The following SLC4A7 variants were observed in gnomAD, a reference collection of about 807,000 sequenced individuals.
The protein encoded by SLC4A7 is solute carrier family 4 member 7.
Under a neutral mutation model 137.6 loss-of-function variants are expected in SLC4A7, and 51 were observed. The observed-to-expected ratio is 0.37, with a 90% CI of 0.30 to 0.47. SLC4A7 has a LOEUF of 0.47. SLC4A7 is among the 20% of genes least tolerant of loss of function. SLC4A7 has a pLI of 1.00. For missense variants in SLC4A7, 1,247 were observed against 1,525.4 expected, an observed-to-expected ratio of 0.82 and a Z score of 3.04; for synonymous variants, 542 against 518.6, an observed-to-expected ratio of 1.05 and a Z score of -0.61.
intron 7 of SLC4A7, among the ~76,000 whole-genome samples, chr3:27,430,520 T>A (rs2056156074): frequency 6.8e-6 from 1 of 147,248 alleles, no homozygotes; most frequent in African/African-American, 2.5e-5. Flanking sequence ...ACTGGGAAGC[T>A]GAGGCAGGAG....
At chr3:27,482,034 G>T (rs1178508117) in intron 1 of SLC4A7, among the ~76,000 whole-genome samples, 1 of 152,156 alleles carries the variant, frequency 6.6e-6, no homozygotes, top group Non-Finnish European at 1.5e-5. Flanking sequence ...TCGGGAGGCT[G>T]AGGCCGAAGA....
At chr3:27,407,998 T>C (rs1026084981) in intron 13 of SLC4A7, among the ~76,000 whole-genome samples, 5 of 152,188 alleles carry the variant, frequency 3.3e-5, no homozygotes, top group African/African-American at 4.8e-5. Flanking sequence ...ATACATATCC[T>C]TTTCACTTTC....
chr3:27,446,425 T>C (rs55811935), intron 3 of SLC4A7, among the ~76,000 whole-genome samples: 44,617 of 151,990 alleles, frequency 0.29, 8,296 homozygotes, highest in East Asian at 0.74. Context: ...CTAGGAATAG[T>C]TATTCCTTTG....
At chr3:27,441,294 T>C (rs2150443822) in intron 3 of SLC4A7, among the ~76,000 whole-genome samples, 2 of 152,322 alleles carry the variant, frequency 1.3e-5, no homozygotes, top group Admixed American at 1.3e-4. Context: ...GTAATATCCC[T>C]GATTAGTTTT....
At chr3:27,377,921 T>A (rs2149992340) in intron 25 of SLC4A7, among the ~76,000 whole-genome samples, 1 of 152,348 alleles carries the variant, frequency 6.6e-6, no homozygotes, top group Non-Finnish European at 1.5e-5. Context: ...TCCTATGTGA[T>A]TTTGAAGTGC....
chr3:27,461,921 C>G (rs913812219), intron 1 of SLC4A7, among the ~76,000 whole-genome samples: 4 of 151,960 alleles, frequency 2.6e-5, no homozygotes, highest in African/African-American at 9.7e-5. Context: ...AAGATTGTAC[C>G]ACTGCACTCC....
At chr3:27,407,210 G>A (rs113719098) in intron 13 of SLC4A7, among the ~76,000 whole-genome samples, 4,100 of 151,002 alleles carry the variant, frequency 0.027, 90 homozygotes, top group Middle Eastern at 0.041. Flanking sequence ...GGCTAGGCAC[G>A]GTGGCTCACG....
intron 13 of SLC4A7, among the ~76,000 whole-genome samples, chr3:27,407,095 T>C (rs938754335): frequency 6.8e-6 from 1 of 146,516 alleles, no homozygotes; most frequent in African/African-American, 2.5e-5. Context: ...AAAGCAGATA[T>C]TGCCATATGA....
At chr3:27,431,864 T>C (rs2056333733) in intron 6 of SLC4A7, among the ~76,000 whole-genome samples, 195 bp from the exon 7 acceptor site, 1 of 152,166 alleles carries the variant, frequency 6.6e-6, no homozygotes, top group East Asian at 1.9e-4. Flanking sequence ...AAACTGTAAT[T>C]AGTTCTCAGA....
chr3:27,466,295 C>CAA (rs1305671215), intron 1 of SLC4A7, among the ~76,000 whole-genome samples: 1 of 151,408 alleles, frequency 6.6e-6, no homozygotes, highest in African/African-American at 2.4e-5. Context: ...ACTAAAAATA[C>CAA]AAAAAATTAG....
chr3:27,405,782 T>G (rs530318118), intron 13 of SLC4A7, among the ~76,000 whole-genome samples: 44 of 152,074 alleles, frequency 2.9e-4, no homozygotes, highest in Non-Finnish European at 5.3e-4. Context: ...TCAAAAAAAT[T>G]TATAGCAACC....
intron 2 of SLC4A7, among the ~76,000 whole-genome samples, chr3:27,451,359 C>CT (rs2058064378): frequency 6.6e-6 from 1 of 152,034 alleles, no homozygotes; most frequent in Non-Finnish European, 1.5e-5. Context: ...TTAAACACCA[C>CT]TTTAACCACA....
At chr3:27,408,916 T>C (rs907822061) in intron 13 of SLC4A7, among the ~76,000 whole-genome samples, 4 of 152,214 alleles carry the variant, frequency 2.6e-5, no homozygotes, top group Non-Finnish European at 4.4e-5. Flanking sequence ...CAGTCGAGTA[T>C]AGGCTTACCA....
intron 20 of SLC4A7, among the ~76,000 whole-genome samples, chr3:27,392,893 T>C (rs748116313): frequency 2.0e-5 from 3 of 151,990 alleles, no homozygotes; most frequent in Non-Finnish European, 4.4e-5. Flanking sequence ...GAAAATTAAA[T>C]CTATAAATAT....
In SLC4A7 at chr3:27,448,668, C is replaced by T. The variant is rs142072563; in HGVS notation, c.272G>A (p.Arg91Gln). The change falls in exon 3 of 26, where the codon CGG becomes CAG. Residue 91 changes from arginine to glutamine, a missense_variant. Arg to Gln is a conservative substitution (Grantham distance 43). Transcript: ENST00000454389. ...TCTCTTACCATAAGAAGGAGATTCCCGTCCATCTTCTTTATCTGATTCTTT... is the reference window on the plus strand; with the variant it reads ...TCTCTTACCATAAGAAGGAGATTCCTGTCCATCTTCTTTATCTGATTCTTT... ...KDKESDKEDG[R>Q]ESPSYDTPSQ... 440 of 1,611,320 alleles carry T rather than the reference C, an allele frequency of 2.7e-4. No homozygotes were observed. Among genetic ancestry groups the T allele is most frequent in the Admixed American group, 5.9e-4 (35 of 59,514 alleles).
Position 27,395,109 on chromosome 3 carries a change from G to T in SLC4A7, c.2710C>A (p.His904Asn). ...LHVPEKFEPT[H>N]PERGWIISPL... Reference sequence around the variant, plus strand: ...CTTATGATCCACCCTCTCTCTGGATGAGTAGGCTGTTAAAAAATTAAATAT... The same window carrying T: ...CTTATGATCCACCCTCTCTCTGGATTAGTAGGCTGTTAAAAAATTAAATAT... The change falls in exon 19 of 26, where the codon CAT (histidine) becomes AAT (asparagine). Residue 904 changes from histidine to asparagine, a missense_variant. By Grantham distance (68) the His-to-Asn change is moderately conservative. This residue lies in a region of SLC4A7 where 499 missense variants were observed against 664.2 expected (regional missense o/e 0.75). Coordinates refer to ENST00000454389, the MANE Select transcript of SLC4A7 (RefSeq NM_001321103.2). 6.4e-7 allele frequency: 1 copy of T among 1,571,516 alleles called. No homozygotes were observed. Among genetic ancestry groups the T allele is most frequent in the Non-Finnish European group, 8.6e-7 (1 of 1,167,734 alleles).
Position 27,398,263 on chromosome 3 carries a change from A to C in SLC4A7, c.2518T>G (p.Leu840Val), listed in dbSNP as rs1425133530. ...GACAGAAAAAATGTTGTGAAAAACA[A>C]GATGACACACCAAAAGAGCACATCT... is the stretch of plus-strand genomic sequence containing the variant. The part of the protein sequence containing the change: ...IPDVLFWCVI[L>V]FFTTFFLSSF... The change falls in exon 17 of 26, where the codon TTG becomes GTG. Residue 840 changes from leucine to valine, a missense_variant. Around this residue, in one of 6 missense-constraint regions of SLC4A7, gnomAD observed 499 missense variants for 664.2 expected, o/e 0.75. Transcript: ENST00000454389. 6.2e-7 allele frequency: 1 copy of C among 1,613,426 alleles called. No individual in the cohort carries two copies. Among genetic ancestry groups the C allele is most frequent in the South Asian group, 1.1e-5 (1 of 91,040 alleles).
At chr3:27,410,186 G>C (rs1392453994) in intron 12 of SLC4A7, among the ~76,000 whole-genome samples, 2 of 152,144 alleles carry the variant, frequency 1.3e-5, no homozygotes, top group African/African-American at 2.4e-5. Context: ...GTACATCAAA[G>C]CTGTACCATT....
At chr3:27,480,687 C>T (rs2059672006) in intron 1 of SLC4A7, among the ~76,000 whole-genome samples, 1 of 152,124 alleles carries the variant, frequency 6.6e-6, no homozygotes, top group African/African-American at 2.4e-5. Flanking sequence ...TGTGATTCCC[C>T]AAACAGAATG....
Sources: gnomAD v4.1 joint callset for allele counts (sites outside exome capture counted in the v4.1 genomes callset) on GRCh38, gnomAD v4.1.1 for gene constraint, gnomAD v4.1.1 regional missense constraint, MANE v1.5 for transcripts, NCBI Gene and HGNC (gene_info 2026-07-23, HGNC 2026-07-21) for gene names.